PTPRN2: variants seen among roughly 807,000 people sequenced by gnomAD.
PTPRN2 encodes protein tyrosine phosphatase receptor type N2, also known as receptor-type tyrosine-protein phosphatase N2.
A neutral mutation model predicts 118.8 loss-of-function variants in PTPRN2; 74 were observed. The observed-to-expected ratio is 0.62, with a 90% confidence interval of 0.52 to 0.76. The LOEUF (loss-of-function observed/expected upper bound fraction) is 0.76, where lower values mean the gene tolerates loss of function less well. PTPRN2 is among the 30% of genes least tolerant of loss of function. PTPRN2 has a pLI of 0.00. For synonymous variants in PTPRN2, 641 were observed against 608.0 expected (o/e 1.05, Z -0.80); for missense variants, 1,481 against 1,394.4 (o/e 1.06, Z -0.99).
intron 2 of PTPRN2, among the ~76,000 whole-genome samples, chr7:158,341,967 A>C (rs1806926934): frequency 6.7e-6 from 1 of 148,222 alleles, no homozygotes; most frequent in Non-Finnish European, 1.5e-5. Context: ...CGCAGACGTC[A>C]CTCACACCCA....
At chr7:158,289,666 G>T (rs1799979144) in intron 3 of PTPRN2, among the ~76,000 whole-genome samples, 1 of 145,942 alleles carries the variant, frequency 6.9e-6, no homozygotes, top group East Asian at 2.0e-4. Flanking sequence ...CATTTCTTTG[G>T]AGTCTGCTGC....
Position 157,832,298 on chromosome 7 carries a change from G to A in PTPRN2, c.1788+66375C>T, listed in dbSNP as rs546044385. Among the ~76,000 whole-genome samples the A allele has an allele frequency of 1.4e-4, 22 of 152,270 alleles. No homozygotes were observed. In the South Asian group the frequency reaches 4.6e-3, roughly 32 times the overall value. ...AGGCGGCTGCATTCTGCAAATTACCGTGTGCTGTGGCTGCGCTCACACATT... is the reference window on the plus strand; with the variant it reads ...AGGCGGCTGCATTCTGCAAATTACCATGTGCTGTGGCTGCGCTCACACATT... On this transcript the variant is annotated intron_variant, in intron 12 of 22. Coordinates refer to ENST00000389418, the MANE Select transcript of PTPRN2 (RefSeq NM_002847.5).
chr7:158,103,643 G>T (rs1286891479), intron 10 of PTPRN2, among the ~76,000 whole-genome samples: 1 of 152,196 alleles, frequency 6.6e-6, no homozygotes, highest in Non-Finnish European at 1.5e-5. Flanking sequence ...TCATGAGCCA[G>T]GTTTCAAACA....
chr7:158,511,254 T>A (rs1232521507), intron 1 of PTPRN2, among the ~76,000 whole-genome samples: 2 of 152,178 alleles, frequency 1.3e-5, no homozygotes, highest in Non-Finnish European at 2.9e-5. Context: ...GTGGTCAGGA[T>A]GGCTACGCAA....
intron 6 of PTPRN2, among the ~76,000 whole-genome samples, chr7:158,147,986 CA>C (rs1292179545): frequency 1.9e-5 from 1 of 51,866 alleles, no homozygotes; most frequent in Non-Finnish European, 4.0e-5. Context: ...CTCAATGACA[CA>C]CCATCTCACG....
chr7:158,130,247 T>C (rs1286490354), intron 9 of PTPRN2, among the ~76,000 whole-genome samples: 1 of 152,200 alleles, frequency 6.6e-6, no homozygotes, highest in Non-Finnish European at 1.5e-5. Context: ...CTAGCTGTCA[T>C]GCAGCTCCCA....
intron 12 of PTPRN2, among the ~76,000 whole-genome samples, chr7:157,688,839 C>G (rs1797324771): frequency 1.3e-5 from 2 of 152,224 alleles, no homozygotes; most frequent in Non-Finnish European, 2.9e-5. Context: ...TCCCCCGCTT[C>G]CCCGTCCCTC....
chr7:157,581,254 C>T (rs1008628229), intron 17 of PTPRN2, among the ~76,000 whole-genome samples: 1 of 152,218 alleles, frequency 6.6e-6, no homozygotes. Flanking sequence ...TGCTGGATCC[C>T]GAGTGTGAAC....
At chr7:157,835,549 G>A (rs190490951) in intron 12 of PTPRN2, among the ~76,000 whole-genome samples, 1 of 152,186 alleles carries the variant, frequency 6.6e-6, no homozygotes, top group Non-Finnish European at 1.5e-5. Flanking sequence ...AAGGATGGGG[G>A]AGAGTTTGCA....
rs559187740 is a variant in PTPRN2, at chr7:157,674,774, G to A, written c.2001+7951C>T. On this transcript the variant is annotated intron_variant, in intron 13 of 22. Coordinates refer to ENST00000389418, the MANE Select transcript of PTPRN2 (RefSeq NM_002847.5). The surrounding 1 kb of genome is among the most constrained non-coding windows in gnomAD (Gnocchi z 4.5). ...CCTGTGGAGTCCCACCCTGTCGTGTGCACGAGGCTGTCACCTGGAGATTCC... is the reference window on the plus strand; with the variant it reads ...CCTGTGGAGTCCCACCCTGTCGTGTACACGAGGCTGTCACCTGGAGATTCC... Among the ~76,000 whole-genome samples, 1 of 152,366 alleles carries A rather than the reference G, an allele frequency of 6.6e-6. No individual in the cohort carries two copies. The highest frequency in any genetic ancestry group is 1.5e-5 in the Non-Finnish European group (1 of 68,024).
Position 158,359,174 on chromosome 7 carries a change from T to C in PTPRN2, c.164-42242A>G, listed in dbSNP as rs574977215. On this transcript the variant is annotated intron_variant, in intron 2 of 22. Coordinates refer to ENST00000389418, the MANE Select transcript of PTPRN2 (RefSeq NM_002847.5). ...CTGCTCAGACCCCAGAAATCCAAAGTGATTCACGCACAGGTGGGAAGACGC... is the reference window on the plus strand; with the variant it reads ...CTGCTCAGACCCCAGAAATCCAAAGCGATTCACGCACAGGTGGGAAGACGC... 2.0e-5 allele frequency among the ~76,000 whole-genome samples: 3 copies of C among 152,242 alleles called. No homozygotes were observed. The South Asian group carries it at 6.2e-4, about 32-fold the overall frequency.
intron 3 of PTPRN2, among the ~76,000 whole-genome samples, chr7:158,263,902 C>T (rs761977041): frequency 2.2e-4 from 33 of 152,324 alleles, no homozygotes; most frequent in African/African-American, 7.9e-4. Context: ...CTGCACCCAG[C>T]GGAGGTGGCT....
chr7:157,689,185 G>A (rs1409487257), intron 12 of PTPRN2, among the ~76,000 whole-genome samples: 1 of 152,238 alleles, frequency 6.6e-6, no homozygotes, highest in African/African-American at 2.4e-5. Flanking sequence ...GAAAGGAAGA[G>A]CTTCCAGCTC....
intron 5 of PTPRN2, among the ~76,000 whole-genome samples, chr7:158,175,643 G>T (rs1380296822): frequency 6.6e-6 from 1 of 152,070 alleles, no homozygotes. Context: ...GAAGCAGGGG[G>T]GTCTCACACG....
chr7:157,766,210 TCCAC>T (rs537772261), intron 12 of PTPRN2, among the ~76,000 whole-genome samples: 3 of 146,428 alleles, frequency 2.0e-5, no homozygotes, highest in Admixed American at 2.0e-4. Context: ...CATCCATCCA[TCCAC>T]CCACACACCC....
Position 158,166,917 on chromosome 7 carries a change from C to A in PTPRN2, c.910+14G>T, listed in dbSNP as rs377434336. The A allele has an allele frequency of 1.4e-6, 2 of 1,420,694 alleles. No individual in the cohort carries two copies. The highest frequency in any genetic ancestry group is 1.6e-5 in the South Asian group (1 of 61,106). 88.0% of individuals were successfully genotyped at this position (1,420,694 alleles called of 1,614,324 possible). Reference sequence around the variant, plus strand: ...CAGTCAGCAAACAAGAAACACCAAGCGGGGCTGGCTCACCATCGCCTGTGC... The same window carrying A: ...CAGTCAGCAAACAAGAAACACCAAGAGGGGCTGGCTCACCATCGCCTGTGC... On this transcript the variant is annotated intron_variant, in intron 6 of 22. Coordinates refer to ENST00000389418, the MANE Select transcript of PTPRN2 (RefSeq NM_002847.5).
intron 11 of PTPRN2, among the ~76,000 whole-genome samples, chr7:158,016,299 G>A (rs1455415730): frequency 6.6e-6 from 1 of 152,204 alleles, no homozygotes; most frequent in East Asian, 1.9e-4. Flanking sequence ...TGCGTGGCCT[G>A]TGTGTGTTTA....
chr7:158,399,812 C>T (rs1812796747), intron 2 of PTPRN2, among the ~76,000 whole-genome samples: 2 of 152,196 alleles, frequency 1.3e-5, no homozygotes, highest in Non-Finnish European at 2.9e-5. Context: ...GGAACCATCC[C>T]ATTCAAGGGG....
chr7:157,837,372 C>G (rs1808047157), intron 12 of PTPRN2, among the ~76,000 whole-genome samples: 1 of 151,698 alleles, frequency 6.6e-6, no homozygotes, highest in South Asian at 2.1e-4. Flanking sequence ...GTGCTGTGGG[C>G]CAGGCTCTGA....
Sources: gnomAD v4.1 joint callset for allele counts (sites outside exome capture counted in the v4.1 genomes callset) on GRCh38, gnomAD v4.1.1 for gene constraint, Gnocchi (gnomAD v3.1) non-coding constraint, MANE v1.5 for transcripts, NCBI Gene and HGNC (gene_info 2026-07-23, HGNC 2026-07-21) for gene names.